The following GRB10 variants were observed in gnomAD, a reference collection of about 807,000 sequenced individuals.
GRB10 encodes growth factor receptor-bound protein 10.
A neutral mutation model predicts 80.9 loss-of-function variants in GRB10; 20 were observed. The ratio of observed to expected loss-of-function variants is 0.25; its 90% CI spans 0.17 to 0.36. GRB10 has a LOEUF of 0.36. Ranked by LOEUF, GRB10 falls within the 10% of genes least tolerant of loss-of-function variation. GRB10 has a pLI of 1.00. For missense variants in GRB10, 548 were observed against 747.7 expected, an observed-to-expected ratio of 0.73 and a Z score of 3.12; for synonymous variants, 291 against 291.5, an observed-to-expected ratio of 1.00 and a Z score of 0.02.
intron 7 of GRB10, among the ~76,000 whole-genome samples, chr7:50,660,345 G>A (rs1467804654): frequency 6.6e-6 from 1 of 152,310 alleles, no homozygotes; most frequent in African/African-American, 2.4e-5. Flanking sequence ...AAGGGAGGTA[G>A]GGCACAGCCA....
At chr7:50,675,743 C>T (rs747473982) in intron 5 of GRB10, among the ~76,000 whole-genome samples, 10 of 152,058 alleles carry the variant, frequency 6.6e-5, no homozygotes, top group Non-Finnish European at 1.3e-4. Flanking sequence ...TCTCTGTATA[C>T]AGCCTATTTA....
chr7:50,759,908 T>C (rs1296216681), intron 2 of GRB10, among the ~76,000 whole-genome samples: 2 of 152,030 alleles, frequency 1.3e-5, no homozygotes, highest in African/African-American at 2.4e-5. Context: ...GGGAGCAGCT[T>C]CTGAACTGCC....
At chr7:50,760,425 A>G (rs1271644105) in intron 2 of GRB10, among the ~76,000 whole-genome samples, 2 of 152,244 alleles carry the variant, frequency 1.3e-5, no homozygotes, top group Non-Finnish European at 2.9e-5. Flanking sequence ...AAACATCATA[A>G]GGATTAATTC....
intron 7 of GRB10, among the ~76,000 whole-genome samples, chr7:50,653,555 G>A (rs1563305009): frequency 2.0e-5 from 3 of 152,176 alleles, no homozygotes; most frequent in Admixed American, 2.0e-4. Flanking sequence ...CTTAGGCTCT[G>A]CACAACTGCC....
chr7:50,640,584 A>G (rs2153606073), intron 7 of GRB10, among the ~76,000 whole-genome samples: 1 of 152,346 alleles, frequency 6.6e-6, no homozygotes, highest in East Asian at 1.9e-4. Flanking sequence ...TTTTCCCTTG[A>G]GTCAGACATT....
intron 8 of GRB10, among the ~76,000 whole-genome samples, chr7:50,620,241 T>C (rs2051443881): frequency 6.6e-6 from 1 of 152,182 alleles, no homozygotes; most frequent in Admixed American, 6.5e-5. Flanking sequence ...AAGTGTGAAG[T>C]GATGCCAAAA....
intron 5 of GRB10, among the ~76,000 whole-genome samples, chr7:50,702,571 G>A (rs2064399177): frequency 6.6e-6 from 1 of 152,214 alleles, no homozygotes; most frequent in African/African-American, 2.4e-5. Context: ...TGGTCACGGA[G>A]CAGAGGTAGG....
chr7:50,777,389 A>G (rs2077776096), intron 2 of GRB10, among the ~76,000 whole-genome samples: 1 of 151,152 alleles, frequency 6.6e-6, no homozygotes. Context: ...GTTTCAACAC[A>G]TGAATTTTGG....
intron 3 of GRB10, among the ~76,000 whole-genome samples, chr7:50,732,993 A>G (rs77224462): frequency 6.6e-6 from 1 of 152,328 alleles, no homozygotes; most frequent in Non-Finnish European, 1.5e-5. Flanking sequence ...AGACCCTGTT[A>G]TGGGATGAAC....
intron 7 of GRB10, among the ~76,000 whole-genome samples, chr7:50,656,664 G>A (rs2058680902): frequency 6.6e-6 from 1 of 152,218 alleles, no homozygotes. Context: ...TTCCACCCCT[G>A]CTGGGGAAGG....
At chr7:50,666,175 C>T (rs1262626046) in intron 7 of GRB10, among the ~76,000 whole-genome samples, 1 of 152,200 alleles carries the variant, frequency 6.6e-6, no homozygotes, top group Non-Finnish European at 1.5e-5. Flanking sequence ...ACGTCTTAGA[C>T]TACCAACTAC....
At chr7:50,666,837 G>C (rs558464874) in intron 7 of GRB10, among the ~76,000 whole-genome samples, 1 of 152,032 alleles carries the variant, frequency 6.6e-6, no homozygotes, top group Non-Finnish European at 1.5e-5. Flanking sequence ...ACAGGAGATC[G>C]AGACCATCCT....
intron 3 of GRB10, among the ~76,000 whole-genome samples, 152 bp from the exon 4 acceptor site, chr7:50,732,520 T>C (rs1470880152): frequency 1.3e-5 from 2 of 152,198 alleles, no homozygotes; most frequent in Admixed American, 6.5e-5. Flanking sequence ...CACCAGCTTT[T>C]TGCTGACATG....
At chr7:50,743,014 T>C (rs1348228429) in intron 3 of GRB10, among the ~76,000 whole-genome samples, 1 of 152,210 alleles carries the variant, frequency 6.6e-6, no homozygotes, top group East Asian at 1.9e-4. Context: ...GCTGTACCTG[T>C]TCTGCTTCCT....
At chr7:50,755,689 A>C (rs927308749) in intron 3 of GRB10, among the ~76,000 whole-genome samples, 198 bp downstream of exon 3, 1 of 152,182 alleles carries the variant, frequency 6.6e-6, no homozygotes, top group Non-Finnish European at 1.5e-5. Context: ...CGGTGTTCCC[A>C]GGCAGAGCCG....
chr7:50,660,038 C>A (rs1404888410), intron 7 of GRB10, among the ~76,000 whole-genome samples: 6 of 152,176 alleles, frequency 3.9e-5, no homozygotes, highest in Non-Finnish European at 7.3e-5. Context: ...CTCCCTGGGC[C>A]TCAGGTTCCT....
At chr7:50,687,908 T>C (rs1454772970) in intron 5 of GRB10, among the ~76,000 whole-genome samples, 1 of 152,236 alleles carries the variant, frequency 6.6e-6, no homozygotes, top group Non-Finnish European at 1.5e-5. Flanking sequence ...CACTTAGCAC[T>C]CAACAAAGCC....
intron 7 of GRB10, among the ~76,000 whole-genome samples, chr7:50,631,906 C>G (rs1393641185): frequency 6.6e-6 from 1 of 152,170 alleles, no homozygotes; most frequent in East Asian, 1.9e-4. Context: ...CTAACCAGGG[C>G]TCCCCGCCCT....
chr7:50,790,541 C>T (rs376578733), intron 1 of GRB10, among the ~76,000 whole-genome samples: 1 of 152,248 alleles, frequency 6.6e-6, no homozygotes, highest in Non-Finnish European at 1.5e-5. Flanking sequence ...GCGGGGATTA[C>T]GGAGCAAACG....
Sources: gnomAD v4.1 joint callset for allele counts (sites outside exome capture counted in the v4.1 genomes callset) on GRCh38, gnomAD v4.1.1 for gene constraint, MANE v1.5 for transcripts, NCBI Gene and HGNC (gene_info 2026-07-23, HGNC 2026-07-21) for gene names.